Variants in PSMA3 observed in about 807,000 individuals in gnomAD.
PSMA3 encodes the protein proteasome 20S subunit alpha 3.
In PSMA3, 8 loss-of-function variants were observed where a neutral mutation model predicts 40.0. The observed-to-expected ratio is 0.20, with a 90% CI of 0.12 to 0.36. The LOEUF (loss-of-function observed/expected upper bound fraction) is 0.36. PSMA3 is among the 10% of genes least tolerant of loss of function. The probability of loss-of-function intolerance (pLI) is 1.00; values close to 1 mark genes in which losing one functional copy is unlikely to be tolerated. For missense variants in PSMA3, 219 were observed against 310.6 expected (o/e 0.70, Z 2.22); for synonymous variants, 110 against 100.0 (o/e 1.10, Z -0.59).
intron 3 of PSMA3, 100 bp from the exon 4 acceptor site, chr14:58,257,645 T>C: frequency 1.9e-6 from 2 of 1,038,758 alleles, no homozygotes; most frequent in South Asian, 1.5e-5. Flanking sequence ...TTTTGAATGG[T>C]AATACTTGTT....
rs766964925 is a variant in PSMA3 at position 58,257,921 on chromosome 14, A to G, written c.331-4A>G. 1.9e-6 allele frequency: 3 copies of G among 1,613,614 alleles called. No individual in the cohort carries two copies. The highest frequency in any genetic ancestry group is 1.3e-5 in the African/African-American group (1 of 74,918). ...TTAATAAGCTCTTCTGCTTCCCTCC[A>G]TAGCATCTTGCAGACAGAGTGGCCA... On this transcript the variant is annotated splice_polypyrimidine_tract_variant and splice_region_variant and intron_variant, in intron 4 of 10. Transcript: ENST00000216455.
At chr14:58,267,602 T>C in intron 8 of PSMA3, 82 bp downstream of exon 8, 1 of 1,347,096 alleles carries the variant, frequency 7.4e-7, no homozygotes, top group South Asian at 2.2e-5. Flanking sequence ...CCTAAGAAGC[T>C]GTTTTCCTGT....
At chr14:58,270,845 A>G in intron 9 of PSMA3, 89 bp from the exon 10 acceptor site, 1 of 1,097,840 alleles carries the variant, frequency 9.1e-7, no homozygotes, top group Non-Finnish European at 1.3e-6. Flanking sequence ...TGAGTCAGAT[A>G]TGTGGATTGG....
intron 10 of PSMA3, among the ~76,000 whole-genome samples, chr14:58,271,520 T>C (rs1740532376): frequency 6.6e-6 from 1 of 151,994 alleles, no homozygotes; most frequent in African/African-American, 2.4e-5. Context: ...GCTTCACCAA[T>C]AATACAGAGA....
At chr14:58,266,122 T>A (rs1293678861) in intron 7 of PSMA3, 1 of 151,750 alleles carries the variant, frequency 6.6e-6, no homozygotes, top group Non-Finnish European at 1.5e-5. Flanking sequence ...CCCAAAATAT[T>A]TGAGTCCATG....
intron 8 of PSMA3, 190 bp from the exon 9 acceptor site, chr14:58,270,228 T>C: frequency 1.3e-6 from 1 of 764,000 alleles, no homozygotes; most frequent in African/African-American, 1.8e-5. Flanking sequence ...GGAGAGTAGA[T>C]GTTTCATTTT....
chr14:58,270,134 C>T (rs1890571589), intron 8 of PSMA3: 1 of 278,354 alleles, frequency 3.6e-6, no homozygotes, highest in East Asian at 9.4e-5. Context: ...GTGTGAGCCA[C>T]TGTGCCCAGC....
Position 58,257,741 on chromosome 14 carries a change from T to G in PSMA3, c.229-4T>G, listed in dbSNP as rs201236760. ...CCTCTAGTAAATTGGTGCTTTTTTTTCAGGCAGTAGCAGGTTTGTTGGCAG... is the reference window on the plus strand; with the variant it reads ...CCTCTAGTAAATTGGTGCTTTTTTTGCAGGCAGTAGCAGGTTTGTTGGCAG... On this transcript the variant is annotated splice_region_variant and splice_polypyrimidine_tract_variant and intron_variant, in intron 3 of 10. Coordinates refer to ENST00000216455, the MANE Select transcript of PSMA3 (RefSeq NM_002788.4). The G allele has an allele frequency of 1.2e-6, 2 of 1,606,608 alleles. No homozygotes were observed. The highest frequency in any genetic ancestry group is 1.7e-6 in the Non-Finnish European group (2 of 1,174,474).
intron 3 of PSMA3, among the ~76,000 whole-genome samples, chr14:58,256,702 A>C (rs547081332): frequency 1.3e-4 from 20 of 152,070 alleles, no homozygotes; most frequent in Admixed American, 1.1e-3. Context: ...GTGAGCCACC[A>C]GGTCCGGCCT....
At chr14:58,256,484 G>A (rs139494129) in intron 3 of PSMA3, among the ~76,000 whole-genome samples, 1,950 of 148,678 alleles carry the variant, frequency 0.013, 14 homozygotes, top group Middle Eastern at 0.028. Flanking sequence ...GCGCGATCTC[G>A]GCTCACTGCA....
intron 3 of PSMA3, among the ~76,000 whole-genome samples, chr14:58,253,966 T>C (rs1566639082): frequency 6.6e-6 from 1 of 151,886 alleles, no homozygotes; most frequent in Non-Finnish European, 1.5e-5. Context: ...TACTGTTTTT[T>C]TGTTGTTGTT....
chr14:58,267,640 AG>A, intron 8 of PSMA3, 120 bp downstream of exon 8: 1 of 1,285,036 alleles, frequency 7.8e-7, no homozygotes, highest in Non-Finnish European at 9.9e-7. Context: ...AATTTTTAGA[AG>A]GTAAATTTAA....
At chr14:58,263,642 T>C (rs1890347252) in intron 6 of PSMA3, 63 bp from the exon 7 acceptor site, 1 of 1,293,782 alleles carries the variant, frequency 7.7e-7, no homozygotes, top group Non-Finnish European at 1.1e-6. Flanking sequence ...GAAACATTAG[T>C]AGTCATTAAT....
chr14:58,271,494 T>TA (rs545119789), intron 10 of PSMA3, among the ~76,000 whole-genome samples: 1,539 of 152,206 alleles, frequency 0.01, 20 homozygotes, highest in Non-Finnish European at 0.017. Context: ...CATACCTGGC[T>TA]ACTTTTGTAT....
At chr14:58,260,885 A>C in intron 5 of PSMA3, 63 bp from the exon 6 acceptor site, 2 of 1,218,380 alleles carry the variant, frequency 1.6e-6, no homozygotes, top group South Asian at 2.7e-5. Context: ...TTTTAAAATA[A>C]TTTTTTCACA....
At chr14:58,265,980 C>T (rs1180528971) in intron 7 of PSMA3, 1 of 152,166 alleles carries the variant, frequency 6.6e-6, no homozygotes, top group African/African-American at 2.4e-5. Flanking sequence ...TCTCCTTATA[C>T]CATTATCAGA....
Position 58,261,034 on chromosome 14 carries a change from A to T in PSMA3, c.477+14A>T, listed in dbSNP as rs1890266900. ...GGTGTTTCATACGTGAGTAATTTTG[A>T]ATCATTTGAAATTCTATTTTAGTTT... is the stretch of plus-strand genomic sequence containing the variant. On this transcript the variant is annotated intron_variant, in intron 6 of 10. Coordinates refer to ENST00000216455, the MANE Select transcript of PSMA3 (RefSeq NM_002788.4). 1 of 1,547,320 alleles carries T rather than the reference A, an allele frequency of 6.5e-7. No homozygotes were observed. The highest frequency in any genetic ancestry group is 1.4e-5 in the African/African-American group (1 of 73,308).
intron 7 of PSMA3, among the ~76,000 whole-genome samples, chr14:58,264,487 T>A: frequency 6.6e-6 from 1 of 152,244 alleles, no homozygotes; most frequent in South Asian, 2.1e-4. Flanking sequence ...GGATACTGTT[T>A]CAATATTATT....
At chr14:58,267,957 G>C (rs934449240) in intron 8 of PSMA3, 1 of 152,408 alleles carries the variant, frequency 6.6e-6, no homozygotes, top group African/African-American at 2.4e-5. Flanking sequence ...GGAAAGATAT[G>C]TTTCACTTTT....
Sources: gnomAD v4.1 joint callset for allele counts (sites outside exome capture counted in the v4.1 genomes callset) on GRCh38, gnomAD v4.1.1 for gene constraint, MANE v1.5 for transcripts, NCBI Gene and HGNC (gene_info 2026-07-23, HGNC 2026-07-21) for gene names.